The following NEBL variants were observed in gnomAD, a reference collection of about 807,000 sequenced individuals.
NEBL encodes nebulette, also known as LIM and SH3 protein 2.
Under a neutral mutation model 140.2 loss-of-function variants are expected in NEBL, and 122 were observed. That is an observed-to-expected ratio of 0.87 (90% CI 0.75 to 1.01). The LOEUF (loss-of-function observed/expected upper bound fraction) is 1.01. NEBL is among the 50% of genes least tolerant of loss of function. The probability of loss-of-function intolerance (pLI) is 0.00; values close to 1 mark genes in which losing one functional copy is unlikely to be tolerated. For synonymous variants in NEBL, 436 were observed against 398.9 expected (o/e 1.09, Z -1.11); for missense variants, 1,365 against 1,231.3 (o/e 1.11, Z -1.62).
chr10:21,186,432 C>T (rs754120036), intron 3 of NEBL, among the ~76,000 whole-genome samples: 3 of 151,934 alleles, frequency 2.0e-5, no homozygotes, highest in Non-Finnish European at 2.9e-5. Flanking sequence ...TTGGTATCCA[C>T]GAAGGATTTG....
chr10:21,025,624 A>G (rs116058144), intron 2 of NEBL, among the ~76,000 whole-genome samples: 2,046 of 152,312 alleles, frequency 0.013, 39 homozygotes, highest in African/African-American at 0.045. Flanking sequence ...GAGAAAGAAC[A>G]TGACTGGGGA....
chr10:20,782,276 CAA>C lies in NEBL; in HGVS notation c.*3469_*3470del, dbSNP rs1588578190. On this transcript the variant is annotated 3_prime_UTR_variant, in exon 28 of 28. Coordinates refer to ENST00000377122, the MANE Select transcript of NEBL (RefSeq NM_006393.3). ...TCTTTCCAAGAGCATACTAGACAAA[CAA>C]GAGTAATCAAAAAGGCACCTATATT... is the stretch of plus-strand genomic sequence containing the variant. 1 of 152,614 alleles carries C rather than the reference CAA, an allele frequency of 6.6e-6. No homozygotes were observed. Among genetic ancestry groups the C allele is most frequent in the Admixed American group, 6.5e-5 (1 of 15,268 alleles). The allele number at this position is 152,614 out of a possible 1,614,324, so 9.5% of individuals were successfully genotyped here. A position where few individuals can be genotyped will look rare whatever the true frequency, so the allele number is the denominator to read the frequency against.
chr10:20,785,710 T>A lies in NEBL; in HGVS notation c.*37A>T, dbSNP rs372999701. On this transcript the variant is annotated 3_prime_UTR_variant, in exon 28 of 28. Transcript: ENST00000377122. ...TCTTTTAAAAAGATTAGGTTTGGGA[T>A]ACATTAGAATAAAGCTCAAAGGGCA... 2 of 1,601,274 alleles carry A rather than the reference T, an allele frequency of 1.2e-6. No homozygotes were observed. Among genetic ancestry groups the A allele is most frequent in the South Asian group, 2.2e-5 (2 of 89,890 alleles).
chr10:21,051,328 G>T (rs1834771307), intron 2 of NEBL, among the ~76,000 whole-genome samples: 1 of 152,154 alleles, frequency 6.6e-6, no homozygotes, highest in Admixed American at 6.5e-5. Flanking sequence ...ATGTTAATGA[G>T]TACACAATGT....
chr10:21,155,145 G>T (rs1020925694), intron 2 of NEBL, among the ~76,000 whole-genome samples: 3 of 152,182 alleles, frequency 2.0e-5, no homozygotes, highest in Non-Finnish European at 2.9e-5. Context: ...GTTGCAGTGA[G>T]CTGAGATCTC....
intron 2 of NEBL, among the ~76,000 whole-genome samples, chr10:21,139,867 T>C (rs1468373683): frequency 2.0e-5 from 3 of 151,498 alleles, no homozygotes; most frequent in African/African-American, 7.3e-5. Context: ...ATATGGAACA[T>C]GGTCAGGCAC....
At chr10:20,793,970 C>T (rs753316337) in intron 26 of NEBL, among the ~76,000 whole-genome samples, 10 of 152,242 alleles carry the variant, frequency 6.6e-5, no homozygotes, top group Non-Finnish European at 1.2e-4. Context: ...TTTAAACATG[C>T]TATTTCCCCA....
intron 2 of NEBL, among the ~76,000 whole-genome samples, chr10:21,046,141 T>C (rs1341622981): frequency 1.3e-5 from 2 of 152,030 alleles, no homozygotes; most frequent in East Asian, 3.9e-4. Flanking sequence ...GAAAGATAAA[T>C]ACCACATGAT....
chr10:21,005,350 C>T (rs1042335461), intron 3 of NEBL, among the ~76,000 whole-genome samples: 3 of 152,156 alleles, frequency 2.0e-5, no homozygotes, highest in Admixed American at 6.5e-5. Flanking sequence ...CAGATTAGTC[C>T]CCAGCAGCCT....
intron 2 of NEBL, among the ~76,000 whole-genome samples, chr10:21,162,151 C>T (rs1361925718): frequency 6.6e-6 from 1 of 152,172 alleles, no homozygotes; most frequent in Non-Finnish European, 1.5e-5. Context: ...TTGATGATTG[C>T]ACCAATGTGC....
intron 4 of NEBL, among the ~76,000 whole-genome samples, chr10:20,948,358 G>T (rs1835281608): frequency 6.6e-6 from 1 of 152,054 alleles, no homozygotes; most frequent in Admixed American, 6.6e-5. Flanking sequence ...ATAACCCAGT[G>T]GTGTGGTTTA....
At chr10:20,998,334 A>G (rs146469322) in intron 3 of NEBL, among the ~76,000 whole-genome samples, 57 of 152,274 alleles carry the variant, frequency 3.7e-4, no homozygotes, top group African/African-American at 1.3e-3. Flanking sequence ...CTAACCTAAG[A>G]AAGGTATGGG....
chr10:20,949,925 A>G (rs894371223), intron 4 of NEBL, among the ~76,000 whole-genome samples: 1 of 152,244 alleles, frequency 6.6e-6, no homozygotes, highest in Non-Finnish European at 1.5e-5. Flanking sequence ...TTATTAAACA[A>G]AGATTATAAA....
At chr10:21,153,201 A>G (rs1373886521) in intron 2 of NEBL, among the ~76,000 whole-genome samples, 1 of 152,246 alleles carries the variant, frequency 6.6e-6, no homozygotes, top group Non-Finnish European at 1.5e-5. Flanking sequence ...CATTTCACAG[A>G]TAATGAAATT....
chr10:21,011,158 T>C lies in NEBL; in HGVS notation c.249+8959A>G, dbSNP rs996290496. On this transcript the variant is annotated intron_variant, in intron 3 of 6. Coordinates refer to the NEBL transcript ENST00000417816. ...AGGAATTTTACTACAACCTACATCT[T>C]ATGCCCTGAAAAAGGTTAGGAGTGC... Among the ~76,000 whole-genome samples, 2 of 152,196 alleles carry C rather than the reference T, an allele frequency of 1.3e-5. 1 individual carries two copies. Among genetic ancestry groups the C allele is most frequent in the Non-Finnish European group, 2.9e-5 (2 of 68,042 alleles).
chr10:21,249,504 C>T (rs574609756), intron 2 of NEBL, among the ~76,000 whole-genome samples: 1 of 152,008 alleles, frequency 6.6e-6, no homozygotes, highest in East Asian at 1.9e-4. Context: ...ATGGTTTTAG[C>T]TCTTACATTT....
chr10:21,257,711 C>T (rs932909912), intron 1 of NEBL, among the ~76,000 whole-genome samples: 1 of 152,036 alleles, frequency 6.6e-6, no homozygotes, highest in Non-Finnish European at 1.5e-5. Context: ...CAGTGAAACC[C>T]CATCTCTACT....
chr10:20,835,479 G>A (rs1304278093), intron 14 of NEBL, 34 bp downstream of exon 14: 1 of 1,447,360 alleles, frequency 6.9e-7, no homozygotes, highest in African/African-American at 1.4e-5. Context: ...TCCAAAATAT[G>A]AGTCTTAAGG....
At chr10:20,815,310 C>A (rs1036624282) in intron 22 of NEBL, among the ~76,000 whole-genome samples, 1 of 152,142 alleles carries the variant, frequency 6.6e-6, no homozygotes, top group Admixed American at 6.5e-5. Flanking sequence ...AATTATTTAA[C>A]GCACACATCA....
Sources: gnomAD v4.1 joint callset for allele counts (sites outside exome capture counted in the v4.1 genomes callset) on GRCh38, gnomAD v4.1.1 for gene constraint, MANE v1.5 for transcripts, NCBI Gene and HGNC (gene_info 2026-07-23, HGNC 2026-07-21) for gene names.